Variants in SPATA2 observed in about 807,000 individuals in gnomAD.
The protein encoded by SPATA2 is spermatogenesis-associated protein 2.
A neutral mutation model predicts 35.4 loss-of-function variants in SPATA2; 8 were observed. That is an observed-to-expected ratio of 0.23 (90% CI 0.13 to 0.41). The LOEUF (loss-of-function observed/expected upper bound fraction) is 0.41. SPATA2 is among the 10% of genes least tolerant of loss of function. The pLI is 1.00. For missense variants in SPATA2, 650 were observed against 698.7 expected, an observed-to-expected ratio of 0.93 and a Z score of 0.79; for synonymous variants, 293 against 300.9, an observed-to-expected ratio of 0.97 and a Z score of 0.27.
At position 49,905,734 on chromosome 20, in the gene SPATA2, C is replaced by T; in HGVS notation, c.1448G>A (p.Cys483Tyr). 1 of 1,614,240 alleles carries T rather than the reference C, an allele frequency of 6.2e-7. No homozygotes were observed. The highest frequency in any genetic ancestry group is 8.5e-7 in the Non-Finnish European group (1 of 1,180,040). The change falls in exon 3 of 3, where the codon TGC becomes TAC. Residue 483 changes from cysteine (C) to tyrosine (Y), a missense_variant. By Grantham distance (194) the Cys-to-Tyr change is radical. Coordinates refer to ENST00000289431, the MANE Select transcript of SPATA2 (RefSeq NM_006038.4). ...TQCSKVSCDACLSAYHYDPCY... is the reference protein window; with the variant it reads ...TQCSKVSCDAYLSAYHYDPCY... ...GGGGTCATAATGGTAAGCGCTGAGG[C>T]AGGCGTCACATGAGACTTTTGAACA...
rs777930157 is a variant in SPATA2, at chr20:49,906,509, T to C, written c.673A>G (p.Met225Val). 4.5e-5 allele frequency: 72 copies of C among 1,611,914 alleles called. No individual in the cohort carries two copies. Among genetic ancestry groups the C allele is most frequent in the African/African-American group, 9.3e-5 (7 of 74,946 alleles). The change falls in exon 3 of 3, where the codon ATG (methionine) becomes GTG (valine). Residue 225 changes from methionine to valine, a missense_variant. By Grantham distance (21) the Met-to-Val change is conservative (BLOSUM62 1). Transcript: ENST00000289431. The surrounding 1 kb of genome is among the most constrained non-coding windows in gnomAD (Gnocchi z 8.2). ...GACTTCTGGAGTGCCACTCGTGACATGGAGGCCGTCAGGTGCTCCCGGCCC... is the reference window on the plus strand; with the variant it reads ...GACTTCTGGAGTGCCACTCGTGACACGGAGGCCGTCAGGTGCTCCCGGCCC... ...AEGREHLTAS[M>V]SRVALQKSAS...
chr20:49,908,855 T>A (rs2146832565), intron 1 of SPATA2, among the ~76,000 whole-genome samples: 1 of 152,176 alleles, frequency 6.6e-6, no homozygotes, highest in Non-Finnish European at 1.5e-5. Context: ...CCTGTCCTGG[T>A]TTCGTTGGGG....
rs1447029689 is a variant in SPATA2 at position 49,915,449 on chromosome 20, G to A, written c.-172C>T. On this transcript the variant is annotated 5_prime_UTR_variant, in exon 1 of 3. Coordinates refer to ENST00000289431, the MANE Select transcript of SPATA2 (RefSeq NM_006038.4). Reference sequence around the variant, plus strand: ...AGAGGCGCGGCTGCCGCCGGAGCCGGGCCCCGTCGGGCTCTAGCCTCTCCG... The same window carrying A: ...AGAGGCGCGGCTGCCGCCGGAGCCGAGCCCCGTCGGGCTCTAGCCTCTCCG... 6.6e-6 allele frequency: 1 copy of A among 152,244 alleles called. No homozygotes were observed. The allele number at this position is 152,244 out of a possible 1,614,324, so 9.4% of individuals were successfully genotyped here. A position where few individuals can be genotyped will look rare whatever the true frequency, so the allele number is the denominator to read the frequency against.
In SPATA2 at chr20:49,906,073, T is replaced by C; in HGVS notation, c.1109A>G (p.Lys370Arg). 6.2e-7 allele frequency: 1 copy of C among 1,608,490 alleles called. No homozygotes were observed. Among genetic ancestry groups the C allele is most frequent in the Non-Finnish European group, 8.5e-7 (1 of 1,179,608 alleles). ...GGACTCTTTGGCAGGGGGCGAGCGC[T>C]TGTGGTAGAGGGAGTGGGCATCGTT... Reference protein sequence around the residue: ...LRNDAHSLYHKRSPPAKESAL... With the variant: ...LRNDAHSLYHRRSPPAKESAL... Residue 370 changes from lysine to arginine, a missense_variant, in exon 3 of 3, where the codon AAG (lysine) becomes AGG (arginine). Physicochemically the swap from Lys to Arg is conservative, Grantham distance 26. Transcript: ENST00000289431. This position sits in a 1 kb window ranked among gnomAD's most constrained non-coding sequence, Gnocchi z 8.2.
intron 1 of SPATA2, among the ~76,000 whole-genome samples, chr20:49,911,616 G>A (rs957977583): frequency 1.3e-5 from 2 of 151,278 alleles, no homozygotes; most frequent in Non-Finnish European, 2.9e-5. Flanking sequence ...GCAGTGAGCC[G>A]AGATCGCCCC....
rs149310099 is a variant in SPATA2 at position 49,907,745 on chromosome 20, G to C, written c.336+410C>G. Among the ~76,000 whole-genome samples the C allele has an allele frequency of 8.3e-3, 1,258 of 151,886 alleles. 5 individuals carry two copies. Among genetic ancestry groups the C allele is most frequent in the Middle Eastern group, 0.014 (4 of 294 alleles). On this transcript the variant is annotated intron_variant, in intron 2 of 2. Coordinates refer to ENST00000289431, the MANE Select transcript of SPATA2 (RefSeq NM_006038.4). Reference sequence around the variant, plus strand: ...CTTAGTACAGAACACCCCTCAGCTTGCTGGGACCGCTGAGAAGCTTCCTAA... The same window carrying C: ...CTTAGTACAGAACACCCCTCAGCTTCCTGGGACCGCTGAGAAGCTTCCTAA...
chr20:49,910,704 C>T (rs142001544), intron 1 of SPATA2, among the ~76,000 whole-genome samples: 151 of 152,278 alleles, frequency 9.9e-4, no homozygotes, highest in Non-Finnish European at 1.7e-3. Flanking sequence ...ATCAGGAGGT[C>T]AACAAAATCA....
Position 49,903,715 on chromosome 20 carries a change from G to A in SPATA2, c.*1904C>T, listed in dbSNP as rs2090120561. On this transcript the variant is annotated 3_prime_UTR_variant, in exon 3 of 3. Transcript: ENST00000289431. The stretch of plus-strand genomic sequence containing the variant: ...AGAAAGAGTTAGTTACTGTAATGCT[G>A]GCGCAATCTGGAAATGGAAAACTAG... 1 of 151,866 alleles carries A rather than the reference G, an allele frequency of 6.6e-6. No individual in the cohort carries two copies. The highest frequency in any genetic ancestry group is 6.6e-5 in the Admixed American group (1 of 15,232). The allele number at this position is 151,866 out of a possible 1,614,324, so 9.4% of individuals were successfully genotyped here. A position where few individuals can be genotyped will look rare whatever the true frequency, so the allele number is the denominator to read the frequency against.
At position 49,905,394 on chromosome 20, in the gene SPATA2, C is replaced by G. The variant is rs755505358; in HGVS notation, c.*225G>C. The G allele has an allele frequency of 7.0e-6, 4 of 572,334 alleles. No homozygotes were observed. Among genetic ancestry groups the G allele is most frequent in the Non-Finnish European group, 1.2e-5 (4 of 321,404 alleles). The allele number at this position is 572,334 out of a possible 1,614,324, so 35.5% of individuals were successfully genotyped here. A position where few individuals can be genotyped will look rare whatever the true frequency, so the allele number is the denominator to read the frequency against. On this transcript the variant is annotated 3_prime_UTR_variant, in exon 3 of 3. Coordinates refer to ENST00000289431, the MANE Select transcript of SPATA2 (RefSeq NM_006038.4). ...GAGAGATTAGCAAAATGAATCTGAA[C>G]GGAAGTGCCACCTTCTCCCTTGTCA...
At position 49,905,939 on chromosome 20, in the gene SPATA2, T is replaced by C. The variant is rs1412630531; in HGVS notation, c.1243A>G (p.Ser415Gly). 6.2e-7 allele frequency: 1 copy of C among 1,610,818 alleles called. No homozygotes were observed. Among genetic ancestry groups the C allele is most frequent in the South Asian group, 1.1e-5 (1 of 91,066 alleles). ...AGGCTGTCATGAGTCGAGGCCTTGCTGGGGAAGGCGCTGGGCTTGGAAGCT... is the reference window on the plus strand; with the variant it reads ...AGGCTGTCATGAGTCGAGGCCTTGCCGGGGAAGGCGCTGGGCTTGGAAGCT... ...PPASKPSAFP[S>G]KASTHDSLAH... is the part of the protein sequence containing the mutation. The change falls in exon 3 of 3, where the codon AGC becomes GGC. Residue 415 changes from serine to glycine, a missense_variant. Ser to Gly is a moderately conservative substitution (Grantham distance 56). Coordinates refer to ENST00000289431, the MANE Select transcript of SPATA2 (RefSeq NM_006038.4).
At chr20:49,913,557 G>A (rs1247935642) in intron 1 of SPATA2, 2 of 152,216 alleles carry the variant, frequency 1.3e-5, no homozygotes, top group Admixed American at 6.5e-5. Context: ...CCAAAACTCC[G>A]ACTCTTGCAA....
rs1351990750 is a variant in SPATA2 at position 49,908,334 on chromosome 20, G to A, written c.157C>T (p.His53Tyr). ...RVAASTLLSL[H>Y]KVDPFYRFRL... Reference sequence around the variant, plus strand: ...AATCGATAAAAGGGATCCACCTTGTGCAGGCTGAGCAGGGTTGAGGCTGCC... The same window carrying A: ...AATCGATAAAAGGGATCCACCTTGTACAGGCTGAGCAGGGTTGAGGCTGCC... The change falls in exon 2 of 3, where the codon CAC (histidine) becomes TAC (tyrosine). Residue 53 changes from histidine (H) to tyrosine (Y), a missense_variant. His to Tyr is a moderately conservative substitution (Grantham distance 83). Coordinates refer to ENST00000289431, the MANE Select transcript of SPATA2 (RefSeq NM_006038.4). 4 of 1,614,266 alleles carry A rather than the reference G, an allele frequency of 2.5e-6. No individual in the cohort carries two copies. Among genetic ancestry groups the A allele is most frequent in the South Asian group, 1.1e-5 (1 of 91,090 alleles).
chr20:49,908,377 G>A lies in SPATA2; in HGVS notation c.114C>T (p.Ser38=), dbSNP rs2090161322. 3 of 1,614,072 alleles carry A rather than the reference G, an allele frequency of 1.9e-6. No homozygotes were observed. The highest frequency in any genetic ancestry group is 1.3e-5 in the African/African-American group (1 of 74,936). Residue 38 remains serine (S), a synonymous_variant, in exon 2 of 3, where the codon AGC becomes AGT. Transcript: ENST00000289431. ...AGGCTGCCACCCGCAGGCACTCATC[G>A]CTGCCAGGCCGCTGCCTGCTGGTGG... is the stretch of plus-strand genomic sequence containing the variant. ...DTTTSRQRPG[S]DECLRVAAST...
In SPATA2 at chr20:49,904,795, A is replaced by G. The variant is rs1160902582; in HGVS notation, c.*824T>C. On this transcript the variant is annotated 3_prime_UTR_variant, in exon 3 of 3. Transcript: ENST00000289431. ...CCCAGGGCATTTAATAAATAGCTAC[A>G]TAATTCATTTTTTTAACCACGTTGA... 3 of 152,672 alleles carry G rather than the reference A, an allele frequency of 2.0e-5. No homozygotes were observed. The East Asian group carries it at 5.8e-4, about 29-fold the overall frequency. The allele number at this position is 152,672 out of a possible 1,614,324, so 9.5% of individuals were successfully genotyped here.
At chr20:49,910,415 CCT>C (rs1172633181) in intron 1 of SPATA2, among the ~76,000 whole-genome samples, 3 of 152,160 alleles carry the variant, frequency 2.0e-5, no homozygotes, top group African/African-American at 7.2e-5. Flanking sequence ...GTGCTGTACC[CCT>C]AAGTGGACAG....
chr20:49,903,902 G>GATATATATAGATAT lies in SPATA2; in HGVS notation c.*1716_*1717insATATCTATATATAT, dbSNP rs2090122494. The GATATATATAGATAT allele has an allele frequency of 8.3e-5, 8 of 96,936 alleles. 1 individual carries two copies. The East Asian group carries it at 2.1e-3, about 25-fold the overall frequency. 6.0% of individuals were successfully genotyped at this position (96,936 alleles called of 1,614,324 possible). On this transcript the variant is annotated 3_prime_UTR_variant, in exon 3 of 3. Coordinates refer to ENST00000289431, the MANE Select transcript of SPATA2 (RefSeq NM_006038.4). ...ACATCTACATGTGATCTACCAGATA[G>GATATATATAGATAT]ATATATATATATATATATATATATA... is the stretch of plus-strand genomic sequence containing the variant.
At chr20:49,911,280 G>A (rs1177494387) in intron 1 of SPATA2, among the ~76,000 whole-genome samples, 4 of 152,110 alleles carry the variant, frequency 2.6e-5, no homozygotes, top group South Asian at 4.1e-4. Flanking sequence ...TGGTAAGCTC[G>A]TGGTAAGCTC....
chr20:49,914,985 C>A (rs574455371), intron 1 of SPATA2, among the ~76,000 whole-genome samples: 9 of 152,376 alleles, frequency 5.9e-5, no homozygotes, highest in Non-Finnish European at 1.2e-4. Context: ...AACTGAGGCT[C>A]TTAAGATGAA....
chr20:49,905,509 T>C lies in SPATA2; in HGVS notation c.*110A>G, dbSNP rs2146826814. 1 of 1,257,628 alleles carries C rather than the reference T, an allele frequency of 8.0e-7. No homozygotes were observed. Among genetic ancestry groups the C allele is most frequent in the East Asian group, 2.4e-5 (1 of 42,066 alleles). 77.9% of individuals were successfully genotyped at this position (1,257,628 alleles called of 1,614,324 possible). ...CAGCCCACGATCTCTGCCACCTACA[T>C]GGTCAAGTGCAGGCCTCCGCCTCTG... On this transcript the variant is annotated 3_prime_UTR_variant, in exon 3 of 3. Transcript: ENST00000289431.
Sources: allele counts gnomAD v4.1 joint callset (sites outside exome capture counted in the v4.1 genomes callset), GRCh38; gene constraint gnomAD v4.1.1; non-coding constraint Gnocchi (gnomAD v3.1); transcripts MANE v1.5; gene names NCBI Gene and HGNC (gene_info 2026-07-23, HGNC 2026-07-21).